The following ABLIM1 variants were observed in gnomAD, a reference collection of about 807,000 sequenced individuals.
The protein encoded by ABLIM1 is actin-binding LIM protein 1.
ABLIM1 carries 40 observed loss-of-function variants against 107.0 expected under a neutral mutation model. That is an observed-to-expected ratio of 0.37 (90% confidence interval 0.29 to 0.49). The LOEUF is 0.49. Among genes scored for constraint, ABLIM1 ranks in the 20% least tolerant of loss-of-function variants. ABLIM1 has a pLI of 0.97. For synonymous variants in ABLIM1, 357 were observed against 357.3 expected (o/e 1.00, Z 0.01); for missense variants, 857 against 1,008.5 (o/e 0.85, Z 2.04).
intron 6 of ABLIM1, among the ~76,000 whole-genome samples, chr10:114,540,412 G>T (rs948012893): frequency 6.6e-6 from 1 of 152,208 alleles, no homozygotes; most frequent in Admixed American, 6.5e-5. Flanking sequence ...GATTCAGATT[G>T]GCTGCCACCC....
intron 1 of ABLIM1, among the ~76,000 whole-genome samples, chr10:114,698,349 A>T (rs372965637): frequency 2.6e-5 from 4 of 151,848 alleles, no homozygotes; most frequent in African/African-American, 9.7e-5. Context: ...ACAGGCTAGA[A>T]AACAAAATGT....
chr10:114,462,366 C>T (rs965536044), intron 12 of ABLIM1, among the ~76,000 whole-genome samples: 6 of 152,250 alleles, frequency 3.9e-5, no homozygotes, highest in South Asian at 4.2e-4. Context: ...TCAGGGTTCT[C>T]GGCTCCCCCA....
intron 6 of ABLIM1, among the ~76,000 whole-genome samples, chr10:114,532,219 C>CGCCGA (rs1205868905): frequency 2.0e-5 from 3 of 152,202 alleles, no homozygotes; most frequent in East Asian, 3.9e-4. Flanking sequence ...TCCAAGGTGC[C>CGCCGA]TGCAGCTTTG....
chr10:114,629,660 A>C lies in ABLIM1; in HGVS notation c.245-27699T>G, dbSNP rs1169549597. 1.3e-5 allele frequency among the ~76,000 whole-genome samples: 2 copies of C among 152,212 alleles called. No homozygotes were observed. Among genetic ancestry groups the C allele is most frequent in the Non-Finnish European group, 2.9e-5 (2 of 68,042 alleles). ...ATGGTGTGACGAGACACAGAGAATGAGTACTTTGTCCACAATCTGCTGTGT... is the reference window on the plus strand; with the variant it reads ...ATGGTGTGACGAGACACAGAGAATGCGTACTTTGTCCACAATCTGCTGTGT... On this transcript the variant is annotated intron_variant, in intron 1 of 22. Coordinates refer to ENST00000533213, the MANE Select transcript of ABLIM1 (RefSeq NM_002313.7). This position sits in a 1 kb window ranked among gnomAD's most constrained non-coding sequence, Gnocchi z 4.0.
chr10:114,571,387 C>A lies in ABLIM1; in HGVS notation c.583G>T (p.Asp195Tyr), dbSNP rs1420657887. 2 of 1,614,200 alleles carry A rather than the reference C, an allele frequency of 1.2e-6. No individual in the cohort carries two copies. Among genetic ancestry groups the A allele is most frequent in the Non-Finnish European group, 1.7e-6 (2 of 1,180,044 alleles). The change falls in exon 4 of 23, where the codon GAC becomes TAC. Residue 195 changes from aspartate (D) to tyrosine (Y), a missense_variant. Around this residue, in one of 5 missense-constraint regions of ABLIM1, gnomAD observed 381 missense variants for 506.9 expected, o/e 0.75. Coordinates refer to ENST00000533213, the MANE Select transcript of ABLIM1 (RefSeq NM_002313.7). Reference sequence around the variant, plus strand: ...TCTCTCCCATTGAATGTGACTCGGTCTCCGGGTGGAAACGGGCGCCTGGAG... The same window carrying A: ...TCTCTCCCATTGAATGTGACTCGGTATCCGGGTGGAAACGGGCGCCTGGAG... ...TICKRPFPPGDRVTFNGRDCL... is the reference protein window; with the variant it reads ...TICKRPFPPGYRVTFNGRDCL...
At chr10:114,604,083 A>C (rs2076241465) in intron 1 of ABLIM1, among the ~76,000 whole-genome samples, 1 of 152,214 alleles carries the variant, frequency 6.6e-6, no homozygotes. Flanking sequence ...AATGCCACAC[A>C]TAGTGCAGGG....
At chr10:114,544,281 C>T (rs910288701) in intron 6 of ABLIM1, among the ~76,000 whole-genome samples, 1 of 152,198 alleles carries the variant, frequency 6.6e-6, no homozygotes, top group African/African-American at 2.4e-5. Context: ...ATGAGGCAGT[C>T]TTACTTCTTC....
At chr10:114,529,290 A>G (rs1037279542) in intron 6 of ABLIM1, among the ~76,000 whole-genome samples, 3 of 151,782 alleles carry the variant, frequency 2.0e-5, no homozygotes, top group Non-Finnish European at 4.4e-5. Context: ...ATGCCCAGCT[A>G]ATTTCTGTAT....
At chr10:114,664,974 C>G (rs372299170) in intron 1 of ABLIM1, among the ~76,000 whole-genome samples, 14 of 151,678 alleles carry the variant, frequency 9.2e-5, no homozygotes, top group African/African-American at 3.4e-4. Context: ...AAAAATTAGC[C>G]GGGTGCGGTG....
intron 2 of ABLIM1, among the ~76,000 whole-genome samples, chr10:114,591,960 AC>A (rs1475187917): frequency 6.6e-6 from 1 of 152,014 alleles, no homozygotes; most frequent in Non-Finnish European, 1.5e-5. Context: ...GGGATATTCA[AC>A]CCATATATCA....
intron 1 of ABLIM1, among the ~76,000 whole-genome samples, chr10:114,756,415 T>C (rs1316306802): frequency 1.3e-5 from 2 of 152,156 alleles, no homozygotes; most frequent in African/African-American, 2.4e-5. Context: ...AAATGAACAA[T>C]AGTATCATTT....
exon 1 of ABLIM1, chr10:114,684,486 G>A: frequency 6.9e-7 from 1 of 1,449,892 alleles, no homozygotes; most frequent in Non-Finnish European, 9.1e-7. Context: ...GGACCCGAGG[G>A]AGGGGTGTGC....
At chr10:114,671,473 C>T (rs910736480) in intron 1 of ABLIM1, among the ~76,000 whole-genome samples, 9 of 152,164 alleles carry the variant, frequency 5.9e-5, no homozygotes, top group Non-Finnish European at 1.0e-4. Flanking sequence ...TGCACACACA[C>T]GGATGTATCA....
At chr10:114,527,812 G>T (rs572277835) in intron 6 of ABLIM1, among the ~76,000 whole-genome samples, 1 of 151,210 alleles carries the variant, frequency 6.6e-6, no homozygotes. Flanking sequence ...TTACAGGTGT[G>T]AGCCACCATG....
intron 1 of ABLIM1, among the ~76,000 whole-genome samples, chr10:114,641,473 C>A (rs529803360): frequency 6.6e-6 from 1 of 152,104 alleles, no homozygotes; most frequent in Admixed American, 6.5e-5. Flanking sequence ...TTGAAGTTGA[C>A]ATAATAAACT....
At chr10:114,493,594 G>A (rs2135220509) in intron 6 of ABLIM1, among the ~76,000 whole-genome samples, 1 of 152,124 alleles carries the variant, frequency 6.6e-6, no homozygotes, top group South Asian at 2.1e-4. Context: ...AAGTCATATG[G>A]CTAGATAAAA....
intron 1 of ABLIM1, among the ~76,000 whole-genome samples, chr10:114,604,852 G>C (rs759832051): frequency 6.6e-6 from 1 of 152,222 alleles, no homozygotes; most frequent in Non-Finnish European, 1.5e-5. Flanking sequence ...GCTGAGTAAT[G>C]ATGAGGGAAG....
intron 1 of ABLIM1, among the ~76,000 whole-genome samples, chr10:114,746,915 T>C (rs2082397302): frequency 6.6e-6 from 1 of 152,234 alleles, no homozygotes; most frequent in Non-Finnish European, 1.5e-5. Flanking sequence ...TTTCTGCTTA[T>C]AGAGTTATTT....
At chr10:114,632,528 C>G (rs951500734) in intron 1 of ABLIM1, 1 of 984,944 alleles carries the variant, frequency 1.0e-6, no homozygotes, top group Non-Finnish European at 1.2e-6. Flanking sequence ...ATGGCAATTT[C>G]AAGTTCACTT....
Sources: allele counts gnomAD v4.1 joint callset (sites outside exome capture counted in the v4.1 genomes callset), GRCh38; gene constraint gnomAD v4.1.1; regional missense constraint gnomAD v4.1.1; non-coding constraint Gnocchi (gnomAD v3.1); transcripts MANE v1.5; gene names NCBI Gene and HGNC (gene_info 2026-07-23, HGNC 2026-07-21).